OR2T11: variants seen among roughly 807,000 people sequenced by gnomAD.
The protein encoded by OR2T11 is olfactory receptor 2T11.
OR2T11 carries 14 observed loss-of-function variants against 13.5 expected under a neutral mutation model. That is an observed-to-expected ratio of 1.04 (90% CI 0.69 to 1.62). OR2T11 has a LOEUF of 1.62. OR2T11 is among the 40% of genes most tolerant of loss of function. OR2T11 has a pLI of 0.00. For synonymous variants in OR2T11, 163 were observed against 154.6 expected, an observed-to-expected ratio of 1.05 and a Z score of -0.40; for missense variants, 410 against 389.7, an observed-to-expected ratio of 1.05 and a Z score of -0.44.
chr1:248,633,661 T>G (rs1660645314), intron 1 of OR2T11, among the ~76,000 whole-genome samples: 2 of 129,696 alleles, frequency 1.5e-5, no homozygotes, highest in African/African-American at 6.3e-5. Flanking sequence ...GTTTTCTGAT[T>G]TTAATTTTTC....
rs1269541393 is a variant in OR2T11, at chr1:248,624,681, C to A, written c.*1497G>T. On this transcript the variant is annotated 3_prime_UTR_variant, in exon 2 of 2. Coordinates refer to ENST00000641193, the MANE Select transcript of OR2T11 (RefSeq NM_001001964.2). The stretch of plus-strand genomic sequence containing the variant: ...TTAAATGTATGCTTTATGTTCAGAA[C>A]TCTAATCTGAAGTACAATTGACTTT... 1 of 144,158 alleles carries A rather than the reference C, an allele frequency of 6.9e-6. No homozygotes were observed. Among genetic ancestry groups the A allele is most frequent in the Non-Finnish European group, 1.5e-5 (1 of 66,502 alleles). 8.9% of individuals were successfully genotyped at this position (144,158 alleles called of 1,614,324 possible).
chr1:248,628,933 T>G lies in OR2T11; in HGVS notation c.-144-1661A>C. On this transcript the variant is annotated intron_variant, in intron 1 of 1. Coordinates refer to ENST00000641193, the MANE Select transcript of OR2T11 (RefSeq NM_001001964.2). Reference sequence around the variant, plus strand: ...TCAATTCTATTCCATTTCCCAAGGATAGTGAACACAAATATTGCCTAAAAA... The same window carrying G: ...TCAATTCTATTCCATTTCCCAAGGAGAGTGAACACAAATATTGCCTAAAAA... Among the ~76,000 whole-genome samples the G allele has an allele frequency of 1.4e-5, 2 of 143,006 alleles. 1 individual carries two copies. Among genetic ancestry groups the G allele is most frequent in the Non-Finnish European group, 3.0e-5 (2 of 66,242 alleles). 93.8% of individuals were successfully genotyped at this position (143,006 alleles called of 152,430 possible).
chr1:248,627,025 G>A lies in OR2T11; in HGVS notation c.104C>T (p.Ala35Val), dbSNP rs1660534957. The change falls in exon 2 of 2, where the codon GCC becomes GTC. Residue 35 changes from alanine (A) to valine (V), a missense_variant. Coordinates refer to ENST00000641193, the MANE Select transcript of OR2T11 (RefSeq NM_001001964.2). ...FTVILAVFLG[A>V]VTANLVMIFL... ...TATCATGACCAAATTTGCAGTCACG[G>A]CCCCCAAGAAAACAGCAAGGATCAC... The A allele has an allele frequency of 6.4e-7, 1 of 1,569,298 alleles. No individual in the cohort carries two copies. Among genetic ancestry groups the A allele is most frequent in the African/African-American group, 1.5e-5 (1 of 66,414 alleles).
At chr1:248,633,827 CTT>C (rs1435637815) in intron 1 of OR2T11, among the ~76,000 whole-genome samples, 1 of 143,852 alleles carries the variant, frequency 7.0e-6, no homozygotes, top group Admixed American at 6.8e-5. Flanking sequence ...TGCTTCCACC[CTT>C]GAGAAATGCC....
At chr1:248,628,048 GGGAAATTAAAGGAAAAT>G (rs2103101914) in intron 1 of OR2T11, among the ~76,000 whole-genome samples, 1 of 143,606 alleles carries the variant, frequency 7.0e-6, no homozygotes, top group East Asian at 2.0e-4. Flanking sequence ...GAAATGGGCA[GGGAAATTAAAGGAAAAT>G]GTTGGTAGGT....
rs746190076 is a variant in OR2T11 at position 248,627,145 on chromosome 1, C to G, written c.-17G>C. The G allele has an allele frequency of 5.7e-5, 79 of 1,383,876 alleles. 4 individuals are homozygous for G. The highest frequency in any genetic ancestry group is 7.8e-5 in the Non-Finnish European group (78 of 995,230). 85.7% of individuals were successfully genotyped at this position (1,383,876 alleles called of 1,614,324 possible). A position where few individuals can be genotyped will look rare whatever the true frequency, so the allele number is the denominator to read the frequency against. On this transcript the variant is annotated 5_prime_UTR_variant, in exon 2 of 2. Transcript: ENST00000641193. ...GTTCGTCATTGATATGGCCCACGAG[C>G]GTCCCAGGGCAACGGGAAGACACAA...
Position 248,627,025 on chromosome 1 carries a change from G to T in OR2T11, c.104C>A (p.Ala35Asp). 6.4e-7 allele frequency: 1 copy of T among 1,569,296 alleles called. No individual in the cohort carries two copies. The highest frequency in any genetic ancestry group is 8.7e-7 in the Non-Finnish European group (1 of 1,153,912). The change falls in exon 2 of 2, where the codon GCC (alanine) becomes GAC (aspartate). Residue 35 changes from alanine (A) to aspartate (D), a missense_variant. Ala to Asp is a moderately radical substitution (Grantham distance 126, BLOSUM62 -2). Transcript: ENST00000641193. ...TATCATGACCAAATTTGCAGTCACG[G>T]CCCCCAAGAAAACAGCAAGGATCAC... is the stretch of plus-strand genomic sequence containing the variant. ...FTVILAVFLG[A>D]VTANLVMIFL...
chr1:248,627,827 G>C lies in OR2T11; in HGVS notation c.-144-555C>G, dbSNP rs376420825. On this transcript the variant is annotated intron_variant, in intron 1 of 1. Transcript: ENST00000641193. The stretch of plus-strand genomic sequence containing the variant: ...TCACCCCCTACTCTTCCAAGCCTTC[G>C]ATGCCTATTATTCCACTGTTTATGT... Among the ~76,000 whole-genome samples the C allele has an allele frequency of 2.1e-5, 3 of 142,676 alleles. 1 individual carries two copies. The highest frequency in any genetic ancestry group is 4.5e-5 in the Non-Finnish European group (3 of 66,122). 93.6% of individuals were successfully genotyped at this position (142,676 alleles called of 152,430 possible).
rs1201778817 is a variant in OR2T11 at position 248,624,330 on chromosome 1, A to T, written c.*1848T>A. The T allele has an allele frequency of 1.4e-5, 2 of 141,110 alleles. No homozygotes were observed. The highest frequency in any genetic ancestry group is 3.0e-5 in the Non-Finnish European group (2 of 66,112). 8.7% of individuals were successfully genotyped at this position (141,110 alleles called of 1,614,324 possible). ...AAAAAAATCTAAAAATTCATACTCA[A>T]CTTACCTTATCCACTTCCTCCCCCT... On this transcript the variant is annotated 3_prime_UTR_variant, in exon 2 of 2. Transcript: ENST00000641193.
intron 1 of OR2T11, among the ~76,000 whole-genome samples, chr1:248,633,545 G>A (rs1660642381): frequency 7.2e-6 from 1 of 139,664 alleles, no homozygotes; most frequent in African/African-American, 2.9e-5. Flanking sequence ...CTTTCAAGTA[G>A]TTTCCCCAGT....
chr1:248,633,994 T>TG (rs11400152), intron 1 of OR2T11, among the ~76,000 whole-genome samples: 718 of 10,060 alleles, frequency 0.071, 144 homozygotes, highest in Admixed American at 0.11. Context: ...TTTTTTGGTG[T>TG]TTTTTTTTTT....
chr1:248,633,204 GA>G (rs1660636093), intron 1 of OR2T11, among the ~76,000 whole-genome samples: 1 of 121,590 alleles, frequency 8.2e-6, no homozygotes, highest in African/African-American at 3.5e-5. Context: ...CTGCTAACTG[GA>G]CATGTACTAA....
Position 248,626,830 on chromosome 1 carries a change from A to G in OR2T11, c.299T>C (p.Leu100Pro), listed in dbSNP as rs1660530995. The G allele has an allele frequency of 6.4e-7, 1 of 1,572,224 alleles. No individual in the cohort carries two copies. The highest frequency in any genetic ancestry group is 8.6e-7 in the Non-Finnish European group (1 of 1,156,204). The change falls in exon 2 of 2, where the codon CTC becomes CCC. Residue 100 changes from leucine to proline, a missense_variant. Coordinates refer to ENST00000641193, the MANE Select transcript of OR2T11 (RefSeq NM_001001964.2). Reference sequence around the variant, plus strand: ...CTCAGAACCAATCATGGTCAGGTAGAGGAAGATCTGGATGCCACAGGCCAC... The same window carrying G: ...CTCAGAACCAATCATGGTCAGGTAGGGGAAGATCTGGATGCCACAGGCCAC... ...SFVACGIQIF[L>P]YLTMIGSEFF... is the part of the protein sequence containing the mutation.
intron 1 of OR2T11, among the ~76,000 whole-genome samples, chr1:248,629,333 C>T (rs1660571778): frequency 7.0e-6 from 1 of 142,748 alleles, no homozygotes; most frequent in African/African-American, 2.8e-5. Flanking sequence ...TTTGAGGTTA[C>T]AGAGAGCTAT....
chr1:248,627,136 G>A lies in OR2T11; in HGVS notation c.-8C>T, dbSNP rs773680789. On this transcript the variant is annotated 5_prime_UTR_variant, in exon 2 of 2. Transcript: ENST00000641193. ...GGATGATGTGTTCGTCATTGATATG[G>A]CCCACGAGCGTCCCAGGGCAACGGG... The A allele has an allele frequency of 2.8e-6, 4 of 1,449,636 alleles. 1 individual carries two copies. The highest frequency in any genetic ancestry group is 2.9e-6 in the Non-Finnish European group (3 of 1,051,404). The allele number at this position is 1,449,636 out of a possible 1,614,324, so 89.8% of individuals were successfully genotyped here.
In OR2T11 at chr1:248,627,099, G is replaced by A; in HGVS notation, c.30C>T (p.Thr10=). The part of the protein sequence containing the change: MTNTSSSDF[T]LLGLLVNSEA... Reference sequence around the variant, plus strand: ...CACTGTTCACCAGAAGCCCCAGGAGGGTGAAGTCAGAGGATGATGTGTTCG... The same window carrying A: ...CACTGTTCACCAGAAGCCCCAGGAGAGTGAAGTCAGAGGATGATGTGTTCG... Residue 10 remains threonine, a synonymous_variant, in exon 2 of 2, where the codon ACC becomes ACT. Transcript: ENST00000641193. 3.2e-6 allele frequency: 5 copies of A among 1,561,574 alleles called. No individual in the cohort carries two copies. Among genetic ancestry groups the A allele is most frequent in the Middle Eastern group, 1.7e-4 (1 of 5,958 alleles).
chr1:248,626,865 GATC>G lies in OR2T11; in HGVS notation c.261_263del (p.Lys87_Ile88delinsAsn). 1 of 1,571,286 alleles carries G rather than the reference GATC, an allele frequency of 6.4e-7. No homozygotes were observed. The highest frequency in any genetic ancestry group is 8.7e-7 in the Non-Finnish European group (1 of 1,155,420). The stretch of plus-strand genomic sequence containing the variant: ...GGATGCCACAGGCCACAAAGGAAAT[GATC>G]TTCTCTTTAGAAACCATGTCTGCCA... On this transcript the variant is annotated inframe_deletion, in exon 2 of 2. Transcript: ENST00000641193.
Position 248,627,189 on chromosome 1 carries a change from G to C in OR2T11, c.-61C>G. On this transcript the variant is annotated 5_prime_UTR_variant, in exon 2 of 2. Transcript: ENST00000641193. ...GACACAAGGACCAGGAAGGAGGCAA[G>C]AGAACACGGTCAAGATGGGAAAGGT... 1 of 988,918 alleles carries C rather than the reference G, an allele frequency of 1.0e-6. No homozygotes were observed. The highest frequency in any genetic ancestry group is 1.5e-6 in the Non-Finnish European group (1 of 654,386). 61.3% of individuals were successfully genotyped at this position (988,918 alleles called of 1,614,324 possible). A position where few individuals can be genotyped will look rare whatever the true frequency, so the allele number is the denominator to read the frequency against.
At position 248,624,372 on chromosome 1, in the gene OR2T11, C is replaced by G. The variant is rs1558171092; in HGVS notation, c.*1806G>C. 7.0e-6 allele frequency: 1 copy of G among 143,114 alleles called. No homozygotes were observed. The highest frequency in any genetic ancestry group is 1.5e-5 in the Non-Finnish European group (1 of 66,210). The allele number at this position is 143,114 out of a possible 1,614,324, so 8.9% of individuals were successfully genotyped here. On this transcript the variant is annotated 3_prime_UTR_variant, in exon 2 of 2. Coordinates refer to ENST00000641193, the MANE Select transcript of OR2T11 (RefSeq NM_001001964.2). ...CCTCCCCCTTGATTTTACCCTGAAT[C>G]ATCTCTAAGCATATCTCCATTAAAA...
Sources: allele counts gnomAD v4.1 joint callset (sites outside exome capture counted in the v4.1 genomes callset), GRCh38; gene constraint gnomAD v4.1.1; transcripts MANE v1.5; gene names NCBI Gene and HGNC (gene_info 2026-07-23, HGNC 2026-07-21).